The following CCSER1 variants were observed in gnomAD, a reference collection of about 807,000 sequenced individuals.
CCSER1 encodes the protein serine-rich coiled-coil domain-containing protein 1.
CCSER1 carries 41 observed loss-of-function variants against 82.0 expected under a neutral mutation model. The ratio of observed to expected loss-of-function variants is 0.50; its 90% confidence interval spans 0.39 to 0.65. The LOEUF is 0.65. Among genes scored for constraint, CCSER1 ranks in the 30% least tolerant of loss-of-function variants. The pLI, the probability that CCSER1 is intolerant of heterozygous loss-of-function variation, is 0.00. For missense variants in CCSER1, 1,119 were observed against 1,064.2 expected (o/e 1.05, Z -0.72); for synonymous variants, 414 against 383.9 (o/e 1.08, Z -0.92).
At chr4:90,802,211 C>G (rs1163097340) in intron 7 of CCSER1, among the ~76,000 whole-genome samples, 1 of 146,342 alleles carries the variant, frequency 6.8e-6, no homozygotes, top group African/African-American at 2.5e-5. Context: ...GAGTGAGACT[C>G]CATCTAAAAA....
Position 90,445,258 on chromosome 4 carries a change from C to T in CCSER1, c.1604-22976C>T, listed in dbSNP as rs1162608909. On this transcript the variant is annotated intron_variant, in intron 4 of 10. Transcript: ENST00000509176. ...AATCTGGAACTTCATGGATCTATAA[C>T]ACATTATTTCTCATGTCAAAGAATT... Among the ~76,000 whole-genome samples the T allele has an allele frequency of 2.0e-5, 3 of 152,050 alleles. No individual in the cohort carries two copies. In the East Asian group the frequency reaches 5.8e-4, roughly 29 times the overall value.
At chr4:91,079,174 G>C (rs1194440292) in intron 9 of CCSER1, among the ~76,000 whole-genome samples, 1 of 152,184 alleles carries the variant, frequency 6.6e-6, no homozygotes, top group Non-Finnish European at 1.5e-5. Flanking sequence ...AGGGCAGCCA[G>C]ACAGGTCAGG....
At chr4:90,980,743 A>C (rs1736037149) in intron 9 of CCSER1, among the ~76,000 whole-genome samples, 1 of 151,648 alleles carries the variant, frequency 6.6e-6, no homozygotes, top group Non-Finnish European at 1.5e-5. Flanking sequence ...GGAAAGACGT[A>C]CTCGAAGGAA....
intron 8 of CCSER1, among the ~76,000 whole-genome samples, chr4:90,820,036 G>T (rs571600063): frequency 6.6e-6 from 1 of 152,230 alleles, no homozygotes; most frequent in Admixed American, 6.5e-5. Context: ...TTCTATAATA[G>T]AACAAAATCT....
At chr4:90,949,996 T>C (rs1372279688) in intron 9 of CCSER1, among the ~76,000 whole-genome samples, 1 of 152,062 alleles carries the variant, frequency 6.6e-6, no homozygotes, top group Non-Finnish European at 1.5e-5. Context: ...CCCTCTGCTA[T>C]CATACCACAC....
chr4:91,106,028 T>C (rs1234746398), intron 10 of CCSER1, among the ~76,000 whole-genome samples: 3 of 152,212 alleles, frequency 2.0e-5, no homozygotes, highest in African/African-American at 7.2e-5. Flanking sequence ...TCAAAGTAAT[T>C]CTGAATTACC....
intron 9 of CCSER1, among the ~76,000 whole-genome samples, chr4:91,006,948 A>G (rs1738570449): frequency 6.6e-6 from 1 of 152,270 alleles, no homozygotes; most frequent in East Asian, 1.9e-4. Flanking sequence ...TGAGGTACAT[A>G]CTTGCTATCC....
At chr4:90,771,005 T>C (rs1021293302) in intron 7 of CCSER1, among the ~76,000 whole-genome samples, 1 of 152,100 alleles carries the variant, frequency 6.6e-6, no homozygotes, top group African/African-American at 2.4e-5. Flanking sequence ...GGTGAGTAGT[T>C]TTTTAATCAT....
chr4:90,297,783 T>C (rs937990780), intron 1 of CCSER1, among the ~76,000 whole-genome samples: 3 of 152,148 alleles, frequency 2.0e-5, no homozygotes, highest in Non-Finnish European at 2.9e-5. Flanking sequence ...TCTGTTTATA[T>C]GCTGGATTAC....
intron 6 of CCSER1, among the ~76,000 whole-genome samples, chr4:90,670,626 C>G (rs1673621424): frequency 6.6e-6 from 1 of 151,994 alleles, no homozygotes; most frequent in African/African-American, 2.4e-5. Context: ...ACACTCACAG[C>G]AGCTGGATCA....
intron 10 of CCSER1, among the ~76,000 whole-genome samples, chr4:91,380,016 T>C (rs1280464565): frequency 6.6e-6 from 1 of 152,182 alleles, no homozygotes; most frequent in Non-Finnish European, 1.5e-5. Context: ...CCAGTAGTCA[T>C]TTAGGAGCAG....
chr4:90,386,108 A>G (rs1006815659), intron 3 of CCSER1, among the ~76,000 whole-genome samples: 1 of 152,218 alleles, frequency 6.6e-6, no homozygotes, highest in Non-Finnish European at 1.5e-5. Context: ...ATTAAATGCA[A>G]TTTCTATCAA....
At chr4:90,254,843 T>A (rs1400706104) in intron 1 of CCSER1, among the ~76,000 whole-genome samples, 1 of 152,164 alleles carries the variant, frequency 6.6e-6, no homozygotes, top group Non-Finnish European at 1.5e-5. Flanking sequence ...CCTGATAATT[T>A]AAGTGGTTAC....
chr4:90,469,566 CAT>C lies in CCSER1; in HGVS notation c.1724+1213_1724+1214del, dbSNP rs1491495706. ...ACACACACACACACACACACACACA[CAT>C]TTCCTTATCTTTTATTTAGGGTGAT... is the stretch of plus-strand genomic sequence containing the variant. On this transcript the variant is annotated intron_variant, in intron 5 of 10. Coordinates refer to ENST00000509176, the MANE Select transcript of CCSER1 (RefSeq NM_001145065.2). Among the ~76,000 whole-genome samples the C allele has an allele frequency of 2.4e-3, 364 of 149,748 alleles. 4 individuals are homozygous for C. The highest frequency in any genetic ancestry group is 3.8e-3 in the Non-Finnish European group (255 of 67,292).
At chr4:91,099,109 A>G (rs1478538357) in intron 10 of CCSER1, among the ~76,000 whole-genome samples, 1 of 152,136 alleles carries the variant, frequency 6.6e-6, no homozygotes, top group Non-Finnish European at 1.5e-5. Context: ...TTTGTGCAAA[A>G]CTTGCTTCTA....
At chr4:90,535,173 C>A (rs1029680312) in intron 5 of CCSER1, among the ~76,000 whole-genome samples, 1 of 151,880 alleles carries the variant, frequency 6.6e-6, no homozygotes, top group Non-Finnish European at 1.5e-5. Flanking sequence ...AAATAGATAT[C>A]TAGAACCTAT....
At chr4:91,293,218 C>T (rs1005887755) in intron 10 of CCSER1, among the ~76,000 whole-genome samples, 19 of 152,044 alleles carry the variant, frequency 1.2e-4, no homozygotes, top group African/African-American at 3.9e-4. Flanking sequence ...CACTACAACC[C>T]TTGTTGTACC....
intron 4 of CCSER1, among the ~76,000 whole-genome samples, chr4:90,435,662 T>C (rs574372369): frequency 6.6e-6 from 1 of 152,262 alleles, no homozygotes. Flanking sequence ...AAATTAACAG[T>C]GTTTTACTTG....
intron 1 of CCSER1, among the ~76,000 whole-genome samples, chr4:90,293,109 A>G (rs911344100): frequency 2.0e-5 from 3 of 151,910 alleles, no homozygotes; most frequent in Non-Finnish European, 2.9e-5. Context: ...TCAGAATAAA[A>G]TGTTACCATC....
Sources: gnomAD v4.1 joint callset for allele counts (sites outside exome capture counted in the v4.1 genomes callset) on GRCh38, gnomAD v4.1.1 for gene constraint, MANE v1.5 for transcripts, NCBI Gene and HGNC (gene_info 2026-07-23, HGNC 2026-07-21) for gene names.